The following PTPRG variants were observed in gnomAD, a reference collection of about 807,000 sequenced individuals.
PTPRG encodes receptor-type tyrosine-protein phosphatase gamma.
Under a neutral mutation model 165.3 loss-of-function variants are expected in PTPRG, and 102 were observed. The ratio of observed to expected loss-of-function variants is 0.62; its 90% confidence interval spans 0.53 to 0.73. The LOEUF is 0.73. Among genes scored for constraint, PTPRG ranks in the 30% least tolerant of loss-of-function variants. The probability of loss-of-function intolerance (pLI) is 0.00; values close to 1 mark genes in which losing one functional copy is unlikely to be tolerated. For missense variants in PTPRG, 1,866 were observed against 1,861.4 expected, an observed-to-expected ratio of 1.00 and a Z score of -0.05; for synonymous variants, 675 against 669.5, an observed-to-expected ratio of 1.01 and a Z score of -0.13.
intron 6 of PTPRG, among the ~76,000 whole-genome samples, chr3:62,156,759 G>A (rs576053894): frequency 6.6e-6 from 1 of 152,142 alleles, no homozygotes; most frequent in Non-Finnish European, 1.5e-5. Flanking sequence ...AGAGATTTTG[G>A]TATGCTAGAA....
At chr3:61,944,947 G>A (rs1029757059) in intron 2 of PTPRG, among the ~76,000 whole-genome samples, 4 of 152,158 alleles carry the variant, frequency 2.6e-5, no homozygotes, top group Admixed American at 1.3e-4. Context: ...CCTGCTGTCT[G>A]TCCTACAGAT....
chr3:61,698,930 AAC>A (rs762067072), intron 1 of PTPRG, among the ~76,000 whole-genome samples: 18 of 152,122 alleles, frequency 1.2e-4, no homozygotes, highest in Non-Finnish European at 2.5e-4. Context: ...CAAAAAACCA[AAC>A]ACTGCATGCT....
Position 62,210,890 on chromosome 3 carries a change from C to T in PTPRG, c.2155+6940C>T, listed in dbSNP as rs958724268. 5.9e-5 allele frequency among the ~76,000 whole-genome samples: 9 copies of T among 152,002 alleles called. No homozygotes were observed. The highest frequency in any genetic ancestry group is 2.6e-4 in the Admixed American group (4 of 15,252). ...CTATTTATGTTATTGGTGAGGCTTC[C>T]GGTCATCAGTAGGCTATTAGCAGGA... On this transcript the variant is annotated intron_variant, in intron 12 of 29. Transcript: ENST00000474889. This position sits in a 1 kb window ranked among gnomAD's most constrained non-coding sequence, Gnocchi z 4.1.
At chr3:62,007,316 T>C (rs1432547587) in intron 4 of PTPRG, among the ~76,000 whole-genome samples, 3 of 152,274 alleles carry the variant, frequency 2.0e-5, no homozygotes, top group Non-Finnish European at 4.4e-5. Flanking sequence ...AGACTCCGTC[T>C]TGTAGTTCCT....
At chr3:61,626,918 A>T (rs1243921021) in intron 1 of PTPRG, among the ~76,000 whole-genome samples, 1 of 152,188 alleles carries the variant, frequency 6.6e-6, no homozygotes, top group Non-Finnish European at 1.5e-5. Context: ...GGACACCTGG[A>T]TGCAATCAGC....
chr3:61,979,016 C>T (rs2040573850), intron 2 of PTPRG, among the ~76,000 whole-genome samples: 1 of 152,148 alleles, frequency 6.6e-6, no homozygotes, highest in Admixed American at 6.6e-5. Flanking sequence ...GCATATTTGA[C>T]ACGAGTTGTT....
At chr3:62,128,589 A>G (rs1337706112) in intron 5 of PTPRG, among the ~76,000 whole-genome samples, 1 of 151,660 alleles carries the variant, frequency 6.6e-6, no homozygotes, top group African/African-American at 2.4e-5. Context: ...ACTCAGCATT[A>G]TACTCTAAAC....
intron 2 of PTPRG, among the ~76,000 whole-genome samples, chr3:61,784,255 A>G (rs1451791916): frequency 1.3e-5 from 2 of 152,180 alleles, no homozygotes; most frequent in Non-Finnish European, 2.9e-5. Flanking sequence ...GGGCAAGGCT[A>G]CATGCTGAGT....
At chr3:62,129,666 T>C (rs1177242678) in intron 5 of PTPRG, among the ~76,000 whole-genome samples, 1 of 152,194 alleles carries the variant, frequency 6.6e-6, no homozygotes, top group African/African-American at 2.4e-5. Flanking sequence ...ACCTAGTCAC[T>C]TCTTAAAGGT....
In PTPRG at chr3:61,928,993, G is replaced by A. The variant is rs1005130898; in HGVS notation, c.191-60632G>A. Among the ~76,000 whole-genome samples the A allele has an allele frequency of 3.3e-5, 5 of 152,274 alleles. No homozygotes were observed. The South Asian group carries it at 1.0e-3, about 32-fold the overall frequency. On this transcript the variant is annotated intron_variant, in intron 2 of 29. Transcript: ENST00000474889. ...TGCTATTGGCAGTCTAGCGAGTAGA[G>A]GCCGGGGATGCCACTGAACATCCTA...
At chr3:61,634,740 G>A (rs1453985199) in intron 1 of PTPRG, among the ~76,000 whole-genome samples, 2 of 152,166 alleles carry the variant, frequency 1.3e-5, no homozygotes, top group East Asian at 1.9e-4. Flanking sequence ...AGAGTTAACC[G>A]AGAAGAATGC....
At chr3:62,274,066 A>C (rs1402893186) in intron 23 of PTPRG, among the ~76,000 whole-genome samples, 1 of 152,190 alleles carries the variant, frequency 6.6e-6, no homozygotes, top group Non-Finnish European at 1.5e-5. Flanking sequence ...TCTTCTGAGC[A>C]ATTTATGACT....
intron 4 of PTPRG, among the ~76,000 whole-genome samples, chr3:62,010,234 G>T (rs890124747): frequency 1.5e-4 from 23 of 152,202 alleles, no homozygotes; most frequent in African/African-American, 5.5e-4. Flanking sequence ...TAAGTGTGAT[G>T]GATGAAATAC....
In PTPRG at chr3:62,152,890, G is replaced by A. The variant is rs576573219; in HGVS notation, c.683-4177G>A. On this transcript the variant is annotated intron_variant, in intron 6 of 29. Transcript: ENST00000474889. Reference sequence around the variant, plus strand: ...AAATAGGGGCAGGCAGAATATGACCGAAGGCCAAATCCATTCTACTGTCTA... The same window carrying A: ...AAATAGGGGCAGGCAGAATATGACCAAAGGCCAAATCCATTCTACTGTCTA... Among the ~76,000 whole-genome samples the A allele has an allele frequency of 1.9e-3, 285 of 152,264 alleles. 1 individual carries two copies. The highest frequency in any genetic ancestry group is 6.5e-3 in the African/African-American group (272 of 41,556).
intron 2 of PTPRG, among the ~76,000 whole-genome samples, chr3:61,796,660 T>G (rs1279077741): frequency 6.6e-6 from 1 of 152,252 alleles, no homozygotes; most frequent in African/African-American, 2.4e-5. Flanking sequence ...TCTCTCTGCT[T>G]CCTTTTGTGG....
At chr3:61,865,883 A>G (rs2037392221) in intron 2 of PTPRG, among the ~76,000 whole-genome samples, 1 of 152,194 alleles carries the variant, frequency 6.6e-6, no homozygotes, top group Non-Finnish European at 1.5e-5. Flanking sequence ...GCTGAGATTC[A>G]GCAGTTGCTC....
At chr3:61,687,084 A>G (rs932937604) in intron 1 of PTPRG, among the ~76,000 whole-genome samples, 2 of 152,262 alleles carry the variant, frequency 1.3e-5, no homozygotes, top group Admixed American at 6.5e-5. Context: ...CAAAGAGATC[A>G]GGTAGAGCTT....
At position 62,294,795 on chromosome 3, in the gene PTPRG, G is replaced by A. The variant is rs1194257522; in HGVS notation, c.*1488G>A. 1 of 152,046 alleles carries A rather than the reference G, an allele frequency of 6.6e-6. No homozygotes were observed. The highest frequency in any genetic ancestry group is 1.5e-5 in the Non-Finnish European group (1 of 67,994). 9.4% of individuals were successfully genotyped at this position (152,046 alleles called of 1,614,324 possible). A position where few individuals can be genotyped will look rare whatever the true frequency, so the allele number is the denominator to read the frequency against. ...GAACTGGGCCTGTTAGGAAGAATAG[G>A]GTTTTATTTACTTTTTATGTCAATT... On this transcript the variant is annotated 3_prime_UTR_variant, in exon 30 of 30. Coordinates refer to ENST00000474889, the MANE Select transcript of PTPRG (RefSeq NM_002841.4).
At position 62,273,009 on chromosome 3, in the gene PTPRG, C is replaced by T. The variant is rs759422076; in HGVS notation, c.3246C>T (p.Asp1082=). 6.2e-7 allele frequency: 1 copy of T among 1,613,756 alleles called. No individual in the cohort carries two copies. Among genetic ancestry groups the T allele is most frequent in the Non-Finnish European group, 8.5e-7 (1 of 1,179,806 alleles). The change falls in exon 22 of 30, where the codon GAC becomes GAT. Residue 1082 remains aspartate (D), a synonymous_variant. Transcript: ENST00000474889. The surrounding 1 kb of genome is among the most constrained non-coding windows in gnomAD (Gnocchi z 4.1). ...ACAGCATGCTGCAACAGATAAAAGA[C>T]AAAAGCACAGTTAACGTCCTGGGAT... is the stretch of plus-strand genomic sequence containing the variant. The part of the protein sequence containing the change: ...VIDSMLQQIK[D]KSTVNVLGFL...
Sources: gnomAD v4.1 joint callset for allele counts (sites outside exome capture counted in the v4.1 genomes callset) on GRCh38, gnomAD v4.1.1 for gene constraint, Gnocchi (gnomAD v3.1) non-coding constraint, MANE v1.5 for transcripts, NCBI Gene and HGNC (gene_info 2026-07-23, HGNC 2026-07-21) for gene names.